Variants in PPM1G observed in about 807,000 individuals in gnomAD.
The protein encoded by PPM1G is protein phosphatase, Mg2+/Mn2+ dependent 1G.
A neutral mutation model predicts 59.4 loss-of-function variants in PPM1G; 12 were observed. The observed-to-expected ratio is 0.20, with a 90% CI of 0.13 to 0.33. The LOEUF (loss-of-function observed/expected upper bound fraction) is 0.33, where lower values mean the gene tolerates loss of function less well. Among genes scored for constraint, PPM1G ranks in the 10% least tolerant of loss-of-function variants. PPM1G has a pLI of 1.00. For missense variants in PPM1G, 392 were observed against 681.3 expected, an observed-to-expected ratio of 0.58 and a Z score of 4.73; for synonymous variants, 245 against 251.9, an observed-to-expected ratio of 0.97 and a Z score of 0.26.
At position 27,381,439 on chromosome 2, in the gene PPM1G, T is replaced by G; in HGVS notation, c.*160A>C. The G allele has an allele frequency of 4.1e-6, 3 of 731,858 alleles. No homozygotes were observed. The East Asian group carries it at 8.1e-5, about 20-fold the overall frequency. 45.3% of individuals were successfully genotyped at this position (731,858 alleles called of 1,614,324 possible). ...GGACAGCAGAGGCTCCCGGCTGCAGTGTGGAGGGAGAGCCCTCTTTGGAAT... is the reference window on the plus strand; with the variant it reads ...GGACAGCAGAGGCTCCCGGCTGCAGGGTGGAGGGAGAGCCCTCTTTGGAAT... On this transcript the variant is annotated 3_prime_UTR_variant, in exon 10 of 10. Coordinates refer to ENST00000344034, the MANE Select transcript of PPM1G (RefSeq NM_177983.3).
chr2:27,391,672 C>T (rs2148421668), intron 1 of PPM1G, among the ~76,000 whole-genome samples: 1 of 151,656 alleles, frequency 6.6e-6, no homozygotes, highest in South Asian at 2.1e-4. Flanking sequence ...TGAAAGATCT[C>T]TTGGATTCTG....
intron 1 of PPM1G, among the ~76,000 whole-genome samples, chr2:27,403,471 C>A (rs1009719270): frequency 1.3e-5 from 2 of 152,124 alleles, no homozygotes; most frequent in Non-Finnish European, 2.9e-5. Context: ...AAAATAGTTT[C>A]TCCATGCTCA....
intron 1 of PPM1G, among the ~76,000 whole-genome samples, chr2:27,398,389 TA>T (rs1319356836): frequency 6.6e-6 from 1 of 152,150 alleles, no homozygotes; most frequent in African/African-American, 2.4e-5. Flanking sequence ...GCTAAAACTA[TA>T]AAACTCTTAG....
chr2:27,407,540 TAC>T (rs1663410470), intron 1 of PPM1G, among the ~76,000 whole-genome samples: 1 of 152,146 alleles, frequency 6.6e-6, no homozygotes, highest in African/African-American at 2.4e-5. Context: ...ATGCTGGGAT[TAC>T]AGACGTGAGC....
intron 1 of PPM1G, 107 bp downstream of exon 1, chr2:27,409,196 A>C (rs1663453842): frequency 7.2e-7 from 1 of 1,388,458 alleles, no homozygotes; most frequent in Admixed American, 3.2e-5. Flanking sequence ...CTGCGGCCGC[A>C]GGCTCCCAAT....
rs1683699759 is a variant in PPM1G at position 27,383,888 on chromosome 2, A to C, written c.966+64T>G. ...AGGGGGATCCCCTGTCTCAAAATCA[A>C]AATTAGGGGATTCACACCTGCCTTG... On this transcript the variant is annotated intron_variant, in intron 6 of 9. Coordinates refer to ENST00000344034, the MANE Select transcript of PPM1G (RefSeq NM_177983.3). This position sits in a 1 kb window ranked among gnomAD's most constrained non-coding sequence, Gnocchi z 5.0. The C allele has an allele frequency of 6.5e-7, 1 of 1,544,528 alleles. No homozygotes were observed. Among genetic ancestry groups the C allele is most frequent in the Non-Finnish European group, 8.8e-7 (1 of 1,142,836 alleles).
At position 27,382,105 on chromosome 2, in the gene PPM1G, C is replaced by T; in HGVS notation, c.1434+21G>A. 6.2e-7 allele frequency: 1 copy of T among 1,605,184 alleles called. No individual in the cohort carries two copies. The highest frequency in any genetic ancestry group is 1.1e-5 in the South Asian group (1 of 90,882). ...TGGCTGTGCAGACCAGACACCCTCT[C>T]TTCTCCACCCTGGTACTCACCTCTT... On this transcript the variant is annotated intron_variant, in intron 9 of 9. Transcript: ENST00000344034. This position sits in a 1 kb window ranked among gnomAD's most constrained non-coding sequence, Gnocchi z 4.2.
At chr2:27,401,427 AG>A (rs914964874) in intron 1 of PPM1G, among the ~76,000 whole-genome samples, 1 of 152,216 alleles carries the variant, frequency 6.6e-6, no homozygotes, top group Non-Finnish European at 1.5e-5. Context: ...AGTGGATGCC[AG>A]GGGTTAGTGG....
At chr2:27,390,300 G>A (rs573732498) in intron 1 of PPM1G, among the ~76,000 whole-genome samples, 1 of 152,288 alleles carries the variant, frequency 6.6e-6, no homozygotes, top group African/African-American at 2.4e-5. Flanking sequence ...GATTACAGGC[G>A]TGAGCCATTG....
intron 1 of PPM1G, chr2:27,392,864 C>T (rs559485845): frequency 5.5e-6 from 8 of 1,458,614 alleles, no homozygotes; most frequent in African/African-American, 1.4e-5. Flanking sequence ...GCTCCCATCT[C>T]GTGCATGTTG....
At chr2:27,405,183 C>G (rs1663325720) in intron 1 of PPM1G, among the ~76,000 whole-genome samples, 1 of 150,140 alleles carries the variant, frequency 6.7e-6, no homozygotes, top group African/African-American at 2.4e-5. Context: ...AAGCGATTCT[C>G]CTGCCTCAGC....
chr2:27,403,948 T>C (rs1684241420), intron 1 of PPM1G, among the ~76,000 whole-genome samples: 1 of 152,132 alleles, frequency 6.6e-6, no homozygotes, highest in Non-Finnish European at 1.5e-5. Context: ...CTATTGGCTA[T>C]TGATATGAGA....
At chr2:27,406,625 T>C (rs1663371287) in intron 1 of PPM1G, among the ~76,000 whole-genome samples, 1 of 152,124 alleles carries the variant, frequency 6.6e-6, no homozygotes, top group South Asian at 2.1e-4. Flanking sequence ...AAAAAAATCA[T>C]TTTCTAATTG....
At position 27,385,171 on chromosome 2, in the gene PPM1G, A is replaced by G; in HGVS notation, c.410-83T>C. 6.9e-7 allele frequency: 1 copy of G among 1,457,236 alleles called. No homozygotes were observed. Among genetic ancestry groups the G allele is most frequent in the Non-Finnish European group, 9.1e-7 (1 of 1,097,300 alleles). The allele number at this position is 1,457,236 out of a possible 1,614,324, so 90.3% of individuals were successfully genotyped here. On this transcript the variant is annotated intron_variant, in intron 4 of 9. Coordinates refer to ENST00000344034, the MANE Select transcript of PPM1G (RefSeq NM_177983.3). The surrounding 1 kb of genome is among the most constrained non-coding windows in gnomAD (Gnocchi z 4.1). ...CTCTCACTACCTCAACAGCCCTTGC[A>G]GCCTCTAACTTCCCCACAACCTCCC... is the stretch of plus-strand genomic sequence containing the variant.
Position 27,381,251 on chromosome 2 carries a change from G to C in PPM1G, c.*348C>G, listed in dbSNP as rs1311831922. 2 of 383,202 alleles carry C rather than the reference G, an allele frequency of 5.2e-6. No homozygotes were observed. The highest frequency in any genetic ancestry group is 9.8e-6 in the Non-Finnish European group (2 of 205,014). The allele number at this position is 383,202 out of a possible 1,614,324, so 23.7% of individuals were successfully genotyped here. Reference sequence around the variant, plus strand: ...GTGTTGATTGAAAGTGTACAACAGAGAGCGGGTGCAAGCGGCCGAGGGCCA... The same window carrying C: ...GTGTTGATTGAAAGTGTACAACAGACAGCGGGTGCAAGCGGCCGAGGGCCA... On this transcript the variant is annotated 3_prime_UTR_variant, in exon 10 of 10. Transcript: ENST00000344034.
At chr2:27,393,370 C>A (rs1683966205) in intron 1 of PPM1G, 5 of 1,569,952 alleles carry the variant, frequency 3.2e-6, no homozygotes, top group East Asian at 2.2e-5. Context: ...GTCGTCATGC[C>A]GGCGACTAAG....
At position 27,384,661 on chromosome 2, in the gene PPM1G, A is replaced by G. The variant is rs376482007; in HGVS notation, c.825+12T>C. ...GCAACTTCAGCATCTGCCTGCCCTCACAGGCCCTTACCTCACTGTCTTCCT... is the reference window on the plus strand; with the variant it reads ...GCAACTTCAGCATCTGCCTGCCCTCGCAGGCCCTTACCTCACTGTCTTCCT... On this transcript the variant is annotated intron_variant, in intron 5 of 9. Transcript: ENST00000344034. This position sits in a 1 kb window ranked among gnomAD's most constrained non-coding sequence, Gnocchi z 4.8. 2 of 1,588,826 alleles carry G rather than the reference A, an allele frequency of 1.3e-6. No individual in the cohort carries two copies. The highest frequency in any genetic ancestry group is 2.7e-5 in the African/African-American group (2 of 74,310).
chr2:27,382,732 G>GAGTCCTA lies in PPM1G; in HGVS notation c.1202-134_1202-128dup, dbSNP rs1683663416. 2.5e-6 allele frequency: 3 copies of GAGTCCTA among 1,222,274 alleles called. No homozygotes were observed. The highest frequency in any genetic ancestry group is 3.5e-6 in the Non-Finnish European group (3 of 867,484). The allele number at this position is 1,222,274 out of a possible 1,614,324, so 75.7% of individuals were successfully genotyped here. A position where few individuals can be genotyped will look rare whatever the true frequency, so the allele number is the denominator to read the frequency against. On this transcript the variant is annotated intron_variant, in intron 7 of 9. Coordinates refer to ENST00000344034, the MANE Select transcript of PPM1G (RefSeq NM_177983.3). The surrounding 1 kb of genome is among the most constrained non-coding windows in gnomAD (Gnocchi z 4.2). ...CCATAATCTAGTGGAATGGGGAACT[G>GAGTCCTA]AGTCCTAAGTCCTAGTTTTTCTAGT...
Position 27,385,490 on chromosome 2 carries a change from C to A in PPM1G, c.409+257G>T. 1 of 471,514 alleles carries A rather than the reference C, an allele frequency of 2.1e-6. No individual in the cohort carries two copies. Among genetic ancestry groups the A allele is most frequent in the Non-Finnish European group, 3.7e-6 (1 of 273,742 alleles). 29.2% of individuals were successfully genotyped at this position (471,514 alleles called of 1,614,324 possible). A position where few individuals can be genotyped will look rare whatever the true frequency, so the allele number is the denominator to read the frequency against. ...GGAAAAAAAAGCACATAAATACTAG[C>A]AGGAACCAGGAAGACCCCATCACAA... On this transcript the variant is annotated intron_variant, in intron 4 of 9. Transcript: ENST00000344034. The surrounding 1 kb of genome is among the most constrained non-coding windows in gnomAD (Gnocchi z 4.1).
Sources: allele counts gnomAD v4.1 joint callset (sites outside exome capture counted in the v4.1 genomes callset), GRCh38; gene constraint gnomAD v4.1.1; non-coding constraint Gnocchi (gnomAD v3.1); transcripts MANE v1.5; gene names NCBI Gene and HGNC (gene_info 2026-07-23, HGNC 2026-07-21).